DRC11: variants seen among roughly 807,000 people sequenced by gnomAD.
The protein encoded by DRC11 is IQ and AAA domain-containing protein 1.
the DRC11 span, among the ~76,000 whole-genome samples, chr2:236,430,373 G>A: frequency 6.6e-6 from 1 of 152,246 alleles, no homozygotes; most frequent in Non-Finnish European, 1.5e-5. This position sits in a 1 kb window ranked among gnomAD's most constrained non-coding sequence, Gnocchi z 6.0. Context: ...GCACAGAGAT[G>A]TACACAGGTA....
the DRC11 span, among the ~76,000 whole-genome samples, chr2:236,500,082 A>AGATGATGAT: frequency 1.3e-3 from 203 of 150,592 alleles, no homozygotes; most frequent in East Asian, 0.01. The surrounding 1 kb of genome is among the most constrained non-coding windows in gnomAD (Gnocchi z 6.3). Flanking sequence ...TTTTGGGTTC[A>AGATGATGAT]GATGATGATG....
chr2:236,311,697 C>CGTGTGTGTGTGTGTGTGTGTGT, the DRC11 span, among the ~76,000 whole-genome samples: 1 of 138,706 alleles, frequency 7.2e-6, no homozygotes, highest in African/African-American at 2.6e-5. The surrounding 1 kb of genome is among the most constrained non-coding windows in gnomAD (Gnocchi z 6.9). Flanking sequence ...GGATGGGGTG[C>CGTGTGTGTGTGTGTGTGTGTGT]GTGTGTGTGT....
chr2:236,437,659 T>C, the DRC11 span, among the ~76,000 whole-genome samples: 13 of 151,224 alleles, frequency 8.6e-5, no homozygotes, highest in Non-Finnish European at 1.3e-4. Context: ...TGGTATCTCA[T>C]TGTGGTTTTG....
At chr2:236,353,600 C>A in the DRC11 span, among the ~76,000 whole-genome samples, 4 of 152,066 alleles carry the variant, frequency 2.6e-5, no homozygotes, top group African/African-American at 4.8e-5. This position sits in a 1 kb window ranked among gnomAD's most constrained non-coding sequence, Gnocchi z 5.0. Context: ...GGAAAAAAAA[C>A]AGCTACTATT....
chr2:236,346,885 G>C, the DRC11 span: 1 of 162,670 alleles, frequency 6.1e-6, no homozygotes, highest in Non-Finnish European at 1.5e-5. Flanking sequence ...GAGGCAAAAC[G>C]GTGGAATTTA....
At chr2:236,440,280 G>T in the DRC11 span, among the ~76,000 whole-genome samples, 1 of 152,118 alleles carries the variant, frequency 6.6e-6, no homozygotes. Flanking sequence ...TGTTAATAGC[G>T]CAGGGCTTTA....
At chr2:236,417,728 TG>T in the DRC11 span, among the ~76,000 whole-genome samples, 1 of 151,968 alleles carries the variant, frequency 6.6e-6, no homozygotes. Context: ...TCTCTCCCCT[TG>T]CCCCCCATCC....
the DRC11 span, among the ~76,000 whole-genome samples, chr2:236,485,756 G>T: frequency 9.6e-3 from 1,459 of 152,290 alleles, 31 homozygotes; most frequent in African/African-American, 0.033. Flanking sequence ...TCTGCAGGAA[G>T]GCCAATTGCA....
At chr2:236,420,554 G>A in the DRC11 span, among the ~76,000 whole-genome samples, 157 of 152,120 alleles carry the variant, frequency 1.0e-3, 2 homozygotes, top group Non-Finnish European at 2.9e-4. The surrounding 1 kb of genome is among the most constrained non-coding windows in gnomAD (Gnocchi z 4.8). Context: ...GGAGAAAGGC[G>A]AGAGGTGAAG....
At chr2:236,456,685 G>A in the DRC11 span, among the ~76,000 whole-genome samples, 3 of 152,182 alleles carry the variant, frequency 2.0e-5, no homozygotes, top group African/African-American at 4.8e-5. The surrounding 1 kb of genome is among the most constrained non-coding windows in gnomAD (Gnocchi z 5.4). Flanking sequence ...AATGCCCCTC[G>A]GCCACTGCCA....
the DRC11 span, among the ~76,000 whole-genome samples, chr2:236,374,472 G>A: frequency 2.0e-5 from 3 of 152,140 alleles, no homozygotes; most frequent in Non-Finnish European, 2.9e-5. Context: ...ACCCAAGACT[G>A]GGTAATTTAT....
chr2:236,441,037 T>C, the DRC11 span: 1 of 1,498,602 alleles, frequency 6.7e-7, no homozygotes. Flanking sequence ...AGCATATTTG[T>C]ACCTGTTGTA....
At chr2:236,502,112 C>T in the DRC11 span, among the ~76,000 whole-genome samples, 1 of 152,152 alleles carries the variant, frequency 6.6e-6, no homozygotes, top group Non-Finnish European at 1.5e-5. Flanking sequence ...TGCCAAAAAC[C>T]AGTGACCCAA....
At chr2:236,496,591 G>T in the DRC11 span, among the ~76,000 whole-genome samples, 793 of 152,262 alleles carry the variant, frequency 5.2e-3, 1 homozygote, top group Non-Finnish European at 9.0e-3. The surrounding 1 kb of genome is among the most constrained non-coding windows in gnomAD (Gnocchi z 6.3). Flanking sequence ...GGCGCCAGCA[G>T]CAAGGGCTCC....
chr2:236,390,569 C>G, the DRC11 span, among the ~76,000 whole-genome samples: 1 of 152,282 alleles, frequency 6.6e-6, no homozygotes, highest in East Asian at 1.9e-4. This position sits in a 1 kb window ranked among gnomAD's most constrained non-coding sequence, Gnocchi z 5.9. Context: ...TGTAACTTAA[C>G]GATGTTTTGT....
At chr2:236,400,219 C>T in the DRC11 span, among the ~76,000 whole-genome samples, 1,356 of 152,312 alleles carry the variant, frequency 8.9e-3, 11 homozygotes, top group Non-Finnish European at 9.2e-3. This position sits in a 1 kb window ranked among gnomAD's most constrained non-coding sequence, Gnocchi z 7.9. Flanking sequence ...GAGCCTGGAG[C>T]TGCAGCCTGA....
chr2:236,345,259 T>G, the DRC11 span, among the ~76,000 whole-genome samples: 1 of 152,128 alleles, frequency 6.6e-6, no homozygotes, highest in African/African-American at 2.4e-5. Flanking sequence ...CAGAAATGTG[T>G]TCTGCAGCTA....
the DRC11 span, chr2:236,324,876 G>C: frequency 1.1e-6 from 1 of 899,026 alleles, no homozygotes; most frequent in Non-Finnish European, 1.8e-6. This position sits in a 1 kb window ranked among gnomAD's most constrained non-coding sequence, Gnocchi z 5.7. Flanking sequence ...AAGCAGGAAG[G>C]GGCAAGCAGC....
the DRC11 span, among the ~76,000 whole-genome samples, chr2:236,506,647 C>T: frequency 4.6e-5 from 7 of 152,206 alleles, no homozygotes; most frequent in African/African-American, 1.7e-4. The surrounding 1 kb of genome is among the most constrained non-coding windows in gnomAD (Gnocchi z 4.9). Context: ...ACAGCCCCTA[C>T]GTTACAGGGT....
Sources: allele counts gnomAD v4.1 joint callset (sites outside exome capture counted in the v4.1 genomes callset), GRCh38; gene constraint gnomAD v4.1.1; non-coding constraint Gnocchi (gnomAD v3.1); transcripts MANE v1.5; gene names NCBI Gene and HGNC (gene_info 2026-07-23, HGNC 2026-07-21).